The following ADRA1B variants were observed in gnomAD, a reference collection of about 807,000 sequenced individuals.
The protein encoded by ADRA1B is alpha-1B adrenergic receptor.
Under a neutral mutation model 17.9 loss-of-function variants are expected in ADRA1B, and 17 were observed. That is an observed-to-expected ratio of 0.95 (90% confidence interval 0.65 to 1.42). The LOEUF (loss-of-function observed/expected upper bound fraction) is 1.42. ADRA1B is among the 40% of genes most tolerant of loss of function. The pLI is 0.00. For missense variants in ADRA1B, 681 were observed against 722.1 expected, an observed-to-expected ratio of 0.94 and a Z score of 0.65; for synonymous variants, 366 against 327.6, an observed-to-expected ratio of 1.12 and a Z score of -1.27.
chr5:159,956,880 T>TC (rs1440493647), intron 1 of ADRA1B, among the ~76,000 whole-genome samples: 1 of 152,082 alleles, frequency 6.6e-6, no homozygotes, highest in Non-Finnish European at 1.5e-5. Flanking sequence ...ATATTTTGCT[T>TC]TTTTTTTCCT....
intron 1 of ADRA1B, among the ~76,000 whole-genome samples, chr5:159,955,439 G>C (rs1044858251): frequency 6.6e-6 from 1 of 152,152 alleles, no homozygotes; most frequent in African/African-American, 2.4e-5. Context: ...GGAAATCAGC[G>C]AACAGCTGCT....
intron 1 of ADRA1B, among the ~76,000 whole-genome samples, chr5:159,947,206 G>A (rs55666217): frequency 0.088 from 13,377 of 152,110 alleles, 774 homozygotes; most frequent in Admixed American, 0.14. Flanking sequence ...GCGAGGTGTG[G>A]TGTGGATGCC....
intron 1 of ADRA1B, among the ~76,000 whole-genome samples, chr5:159,924,803 A>G (rs1356743220): frequency 6.6e-6 from 1 of 152,186 alleles, no homozygotes; most frequent in African/African-American, 2.4e-5. Context: ...AGCACTGGAA[A>G]TTGCTTTCTG....
At chr5:159,934,839 C>T (rs1270833444) in intron 1 of ADRA1B, among the ~76,000 whole-genome samples, 2 of 150,892 alleles carry the variant, frequency 1.3e-5, no homozygotes, top group Non-Finnish European at 2.9e-5. Flanking sequence ...AAAACAGGGA[C>T]GCTGAAATCT....
At chr5:159,918,499 A>G (rs1167101148) in intron 1 of ADRA1B, among the ~76,000 whole-genome samples, 1 of 152,240 alleles carries the variant, frequency 6.6e-6, no homozygotes, top group Non-Finnish European at 1.5e-5. Context: ...GATGTGAAAG[A>G]GAAGATGACT....
intron 1 of ADRA1B, among the ~76,000 whole-genome samples, chr5:159,880,232 C>T (rs904479655): frequency 1.3e-5 from 2 of 152,142 alleles, no homozygotes; most frequent in South Asian, 2.1e-4. Context: ...ATCCCTGAAG[C>T]GGTGGCAGCA....
At chr5:159,943,627 A>G (rs905586659) in intron 1 of ADRA1B, among the ~76,000 whole-genome samples, 2 of 152,116 alleles carry the variant, frequency 1.3e-5, no homozygotes, top group African/African-American at 4.8e-5. Context: ...TGCTTGCTGT[A>G]GGCTGAGCCT....
At chr5:159,957,957 A>C (rs1353712007) in intron 1 of ADRA1B, among the ~76,000 whole-genome samples, 1 of 144,574 alleles carries the variant, frequency 6.9e-6, no homozygotes, top group Non-Finnish European at 1.5e-5. Flanking sequence ...AAAAAAGAAA[A>C]GAAAAAAGAA....
intron 1 of ADRA1B, among the ~76,000 whole-genome samples, chr5:159,941,919 CTTTT>C (rs70987983): frequency 2.5e-5 from 3 of 122,136 alleles, no homozygotes; most frequent in Non-Finnish European, 3.4e-5. Context: ...TACTGGGTTT[CTTTT>C]TTTTTTTTTT....
intron 1 of ADRA1B, among the ~76,000 whole-genome samples, chr5:159,941,061 A>G (rs1755111394): frequency 6.6e-6 from 1 of 152,326 alleles, no homozygotes; most frequent in Non-Finnish European, 1.5e-5. Flanking sequence ...CTTCTCCGAT[A>G]ACTTTATGGG....
intron 1 of ADRA1B, among the ~76,000 whole-genome samples, chr5:159,877,040 T>A (rs1753811384): frequency 6.6e-6 from 1 of 152,188 alleles, no homozygotes; most frequent in Non-Finnish European, 1.5e-5. Context: ...GTCGTGGGAC[T>A]CAGGCCTGCA....
chr5:159,906,797 C>T (rs933995735), intron 1 of ADRA1B, among the ~76,000 whole-genome samples: 2 of 152,178 alleles, frequency 1.3e-5, no homozygotes, highest in African/African-American at 4.8e-5. Context: ...GGAGATGATC[C>T]ATCTGTTTTA....
At chr5:159,924,066 C>T (rs1461021860) in intron 1 of ADRA1B, among the ~76,000 whole-genome samples, 21 of 152,366 alleles carry the variant, frequency 1.4e-4, no homozygotes, top group Non-Finnish European at 2.9e-4. Flanking sequence ...TGTTAGTACA[C>T]TTCTTCTCCA....
In ADRA1B at chr5:159,917,164, C is replaced by G; in HGVS notation, c.259C>G (p.Leu87Val). The G allele has an allele frequency of 1.9e-6, 3 of 1,614,196 alleles. No individual in the cohort carries two copies. The highest frequency in any genetic ancestry group is 1.7e-6 in the Non-Finnish European group (2 of 1,180,028). ...RTPTNYFIVN[L>V]AMADLLLSFT... ...GCCCACCAACTACTTCATTGTCAAC[C>G]TGGCCATGGCCGACCTGCTGTTGAG... The change falls in exon 1 of 2, where the codon CTG becomes GTG. Residue 87 changes from leucine (L) to valine (V), a missense_variant. By Grantham distance (32) the Leu-to-Val change is conservative. Around this residue, in one of 3 missense-constraint regions of ADRA1B, gnomAD observed 424 missense variants for 480.2 expected, o/e 0.88. Coordinates refer to ENST00000306675, the MANE Select transcript of ADRA1B (RefSeq NM_000679.4).
intron 1 of ADRA1B, among the ~76,000 whole-genome samples, chr5:159,946,855 A>G (rs1755286481): frequency 6.6e-6 from 1 of 152,226 alleles, no homozygotes; most frequent in African/African-American, 2.4e-5. Context: ...GGACCACGAC[A>G]CATGAGTTTG....
At chr5:159,984,743 CA>C in the ADRA1B span, among the ~76,000 whole-genome samples, 25,237 of 125,426 alleles carry the variant, frequency 0.2, 2,424 homozygotes, top group African/African-American at 0.31. Context: ...ACTAAAAATA[CA>C]AAAAAAAAAA....
In ADRA1B at chr5:159,881,299, T is replaced by TTCTCTCTGTCTCTCTCTCTCTC. The variant is rs56069000; in HGVS notation, c.-256+16100_-256+16101insGTCTCTCTCTCTCTCTCTCTCT. Among the ~76,000 whole-genome samples, 8 of 132,070 alleles carry TTCTCTCTGTCTCTCTCTCTCTC rather than the reference T, an allele frequency of 6.1e-5. 1 individual carries two copies. Among genetic ancestry groups the TTCTCTCTGTCTCTCTCTCTCTC allele is most frequent in the East Asian group, 4.1e-4 (2 of 4,892 alleles). 86.6% of individuals were successfully genotyped at this position (132,070 alleles called of 152,430 possible). A position where few individuals can be genotyped will look rare whatever the true frequency, so the allele number is the denominator to read the frequency against. On this transcript the variant is annotated intron_variant, in intron 1 of 2. Coordinates refer to the ADRA1B transcript ENST00000641205. ...GTGGAATGAGAACAATATCAGAAAG[T>TTCTCTCTGTCTCTCTCTCTCTC]TCTCTCTCTCTCTCTCTCTCTCTCT...
intron 1 of ADRA1B, among the ~76,000 whole-genome samples, chr5:159,884,185 G>A (rs895298136): frequency 6.6e-6 from 1 of 152,346 alleles, no homozygotes; most frequent in Admixed American, 6.5e-5. Flanking sequence ...ATAATTGATT[G>A]TCCCATGTAA....
chr5:159,987,995 T>C, the ADRA1B span, among the ~76,000 whole-genome samples: 1 of 152,178 alleles, frequency 6.6e-6, no homozygotes, highest in East Asian at 1.9e-4. Context: ...TTACCCGTTA[T>C]GGCAAAGGGG....
Sources: allele counts gnomAD v4.1 joint callset (sites outside exome capture counted in the v4.1 genomes callset), GRCh38; gene constraint gnomAD v4.1.1; regional missense constraint gnomAD v4.1.1; transcripts MANE v1.5; gene names NCBI Gene and HGNC (gene_info 2026-07-23, HGNC 2026-07-21).